The following ALK variants were observed in gnomAD, a reference collection of about 807,000 sequenced individuals.
The protein encoded by ALK is ALK receptor tyrosine kinase, also known as ALK tyrosine kinase receptor.
Under a neutral mutation model 163.1 loss-of-function variants are expected in ALK, and 74 were observed. That is an observed-to-expected ratio of 0.45 (90% CI 0.38 to 0.55). The LOEUF (loss-of-function observed/expected upper bound fraction) is 0.55, where lower values mean the gene tolerates loss of function less well. Ranked by LOEUF, ALK falls within the 20% of genes least tolerant of loss-of-function variation. The pLI is 0.00. For missense variants in ALK, 2,063 were observed against 2,105.3 expected, an observed-to-expected ratio of 0.98 and a Z score of 0.39; for synonymous variants, 960 against 843.2, an observed-to-expected ratio of 1.14 and a Z score of -2.40.
chr2:29,508,733 C>CAAAAA (rs60719550), intron 4 of ALK, among the ~76,000 whole-genome samples: 49 of 65,494 alleles, frequency 7.5e-4, no homozygotes, highest in African/African-American at 2.1e-3. Flanking sequence ...ATCTGCAACT[C>CAAAAA]AAAAAAAAAA....
intron 4 of ALK, among the ~76,000 whole-genome samples, chr2:29,392,522 C>T (rs1258758868): frequency 6.6e-6 from 1 of 152,152 alleles, no homozygotes; most frequent in Non-Finnish European, 1.5e-5. Flanking sequence ...TACCTTATTC[C>T]TTTTCTACTC....
At chr2:29,522,343 T>C (rs1672836854) in intron 4 of ALK, among the ~76,000 whole-genome samples, 1 of 152,196 alleles carries the variant, frequency 6.6e-6, no homozygotes, top group Non-Finnish European at 1.5e-5. Flanking sequence ...GCAAAGCACT[T>C]AGAACAATGC....
chr2:29,355,003 T>C (rs1668213155), intron 5 of ALK, among the ~76,000 whole-genome samples: 1 of 152,156 alleles, frequency 6.6e-6, no homozygotes, highest in African/African-American at 2.4e-5. Flanking sequence ...CCTGACCTCG[T>C]GATCCACCTG....
In ALK at chr2:29,227,140, A is replaced by G. The variant is rs1664026885; in HGVS notation, c.2915-66T>C. On this transcript the variant is annotated intron_variant, in intron 17 of 28. Coordinates refer to ENST00000389048, the MANE Select transcript of ALK (RefSeq NM_004304.5). This position sits in a 1 kb window ranked among gnomAD's most constrained non-coding sequence, Gnocchi z 4.4. The stretch of plus-strand genomic sequence containing the variant: ...CCTCCCCACTCCCAGCCTCAGTACT[A>G]TGTCTCCAGGTGGTCACTGTGGGTG... 2.5e-6 allele frequency: 4 copies of G among 1,608,666 alleles called. No homozygotes were observed. Among genetic ancestry groups the G allele is most frequent in the African/African-American group, 1.3e-5 (1 of 74,872 alleles).
intron 3 of ALK, among the ~76,000 whole-genome samples, chr2:29,604,110 C>A (rs560833380): frequency 4.0e-5 from 6 of 149,308 alleles, no homozygotes; most frequent in African/African-American, 1.5e-4. Context: ...ATCTGTAGAT[C>A]AAATCTGGCC....
chr2:29,829,312 T>TAAA (rs61451401), intron 1 of ALK, among the ~76,000 whole-genome samples: 2 of 144,884 alleles, frequency 1.4e-5, no homozygotes, highest in East Asian at 4.0e-4. Flanking sequence ...TAAAGTATAA[T>TAAA]AAAAAAAAAA....
chr2:29,268,817 A>C (rs1018153025), intron 11 of ALK, among the ~76,000 whole-genome samples: 10 of 152,150 alleles, frequency 6.6e-5, no homozygotes, highest in East Asian at 5.8e-4. Context: ...GCATTTGATT[A>C]GTGGGTCAAG....
intron 4 of ALK, among the ~76,000 whole-genome samples, chr2:29,390,107 A>G (rs1669128223): frequency 6.6e-6 from 1 of 152,182 alleles, no homozygotes; most frequent in South Asian, 2.1e-4. Context: ...ATGCCTCTAT[A>G]ATCTTTAGAA....
chr2:29,836,886 C>A (rs1665576050), intron 1 of ALK, among the ~76,000 whole-genome samples: 1 of 152,188 alleles, frequency 6.6e-6, no homozygotes, highest in Non-Finnish European at 1.5e-5. Flanking sequence ...TTTATGTGTT[C>A]TTTCACTTTG....
intron 4 of ALK, among the ~76,000 whole-genome samples, chr2:29,514,146 C>T (rs1327516886): frequency 2.9e-5 from 4 of 139,990 alleles, no homozygotes; most frequent in African/African-American, 1.1e-4. Context: ...CATCCCATTA[C>T]TGGGTATATA....
chr2:29,377,595 GC>G (rs1219707612), intron 5 of ALK, among the ~76,000 whole-genome samples: 1 of 152,038 alleles, frequency 6.6e-6, no homozygotes, highest in Non-Finnish European at 1.5e-5. Flanking sequence ...GGTTCTAGGC[GC>G]CCCCAAAGAC....
At chr2:29,879,902 G>T (rs1024897299) in intron 1 of ALK, among the ~76,000 whole-genome samples, 22 of 152,148 alleles carry the variant, frequency 1.4e-4, no homozygotes, top group African/African-American at 5.1e-4. Context: ...AAGAAAGGCC[G>T]CCTGAATTAT....
chr2:29,581,406 T>C (rs1558394468), intron 3 of ALK, among the ~76,000 whole-genome samples: 1 of 151,772 alleles, frequency 6.6e-6, no homozygotes, highest in East Asian at 1.9e-4. Flanking sequence ...TAAAATAAAA[T>C]AAAAGAGTCA....
intron 5 of ALK, among the ~76,000 whole-genome samples, chr2:29,364,878 A>G (rs2148288942): frequency 6.6e-6 from 1 of 152,342 alleles, no homozygotes; most frequent in African/African-American, 2.4e-5. Context: ...AAGGCTGAGA[A>G]GAGGAAGAGG....
At chr2:29,318,452 G>A (rs2148248438) in intron 7 of ALK, 48 bp from the exon 8 acceptor site, 1 of 1,338,456 alleles carries the variant, frequency 7.5e-7, no homozygotes, top group Non-Finnish European at 1.1e-6. Context: ...CAGGAACTGG[G>A]GGACCAGGGG....
chr2:29,705,287 A>ACC (rs1553349888), intron 2 of ALK, among the ~76,000 whole-genome samples: 2 of 117,674 alleles, frequency 1.7e-5, no homozygotes, highest in African/African-American at 6.1e-5. Context: ...ATATAAATAT[A>ACC]TATCTGCTGT....
chr2:29,201,798 A>T (rs1168123014), intron 26 of ALK, among the ~76,000 whole-genome samples: 1 of 144,310 alleles, frequency 6.9e-6, no homozygotes, highest in Admixed American at 6.9e-5. Flanking sequence ...AAAAAAAAAA[A>T]TCTTGAATCT....
At chr2:29,302,628 C>G (rs1469191318) in intron 8 of ALK, among the ~76,000 whole-genome samples, 1 of 152,226 alleles carries the variant, frequency 6.6e-6, no homozygotes, top group Non-Finnish European at 1.5e-5. Flanking sequence ...CATGCACTCT[C>G]TGAGTTTCAA....
chr2:29,823,974 G>T (rs1476256752), intron 1 of ALK, among the ~76,000 whole-genome samples: 1 of 152,212 alleles, frequency 6.6e-6, no homozygotes, highest in East Asian at 1.9e-4. Context: ...AGGCCCAGAG[G>T]CCTAGGAGGA....
Sources: allele counts gnomAD v4.1 joint callset (sites outside exome capture counted in the v4.1 genomes callset), GRCh38; gene constraint gnomAD v4.1.1; non-coding constraint Gnocchi (gnomAD v3.1); transcripts MANE v1.5; gene names NCBI Gene and HGNC (gene_info 2026-07-23, HGNC 2026-07-21).